Variants in WWOX observed in about 807,000 individuals in gnomAD.
The protein encoded by WWOX is WW domain containing oxidoreductase.
A neutral mutation model predicts 46.2 loss-of-function variants in WWOX; 69 were observed. The observed-to-expected ratio is 1.49, with a 90% CI of 1.23 to 1.82. The LOEUF is 1.82. WWOX is among the 40% of genes most tolerant of loss of function. The probability of loss-of-function intolerance (pLI) is 0.00; values close to 1 mark genes in which losing one functional copy is unlikely to be tolerated. For missense variants in WWOX, 919 were observed against 542.6 expected (o/e 1.69, Z -6.89); for synonymous variants, 359 against 202.6 (o/e 1.77, Z -6.56).
At chr16:78,301,641 C>G (rs971134223) in intron 5 of WWOX, among the ~76,000 whole-genome samples, 15 of 152,106 alleles carry the variant, frequency 9.9e-5, no homozygotes, top group Non-Finnish European at 4.4e-5. Context: ...AAGGAAGATT[C>G]AAGTCTCAGG....
chr16:78,340,708 C>T (rs2080997159), intron 5 of WWOX, among the ~76,000 whole-genome samples: 1 of 118,954 alleles, frequency 8.4e-6, no homozygotes, highest in African/African-American at 2.9e-5. Context: ...GTTGGCAGAA[C>T]AAATATCCCA....
chr16:78,174,864 T>C (rs970178518), intron 5 of WWOX, among the ~76,000 whole-genome samples: 3 of 152,058 alleles, frequency 2.0e-5, no homozygotes, highest in Non-Finnish European at 4.4e-5. Context: ...GGCATGCGCC[T>C]TTAGTCCCAG....
rs542029188 is a variant in WWOX, at chr16:79,012,468, A to G, written c.1057-199140A>G. ...GGCTGGTCTCGAACTCCTGACCTCA[A>G]AAGTGATTTGCCCACCTTAGCCTCC... On this transcript the variant is annotated intron_variant, in intron 8 of 8. Coordinates refer to ENST00000566780, the MANE Select transcript of WWOX (RefSeq NM_016373.4). 7.9e-5 allele frequency among the ~76,000 whole-genome samples: 12 copies of G among 152,192 alleles called. No individual in the cohort carries two copies. In the East Asian group the frequency reaches 1.5e-3, roughly 20 times the overall value.
chr16:78,652,408 C>CAAAAAAA (rs747993811), intron 8 of WWOX, among the ~76,000 whole-genome samples: 105 of 107,240 alleles, frequency 9.8e-4, no homozygotes, highest in Non-Finnish European at 1.5e-3. Flanking sequence ...GACTCCGTCT[C>CAAAAAAA]AAAAAAAAAA....
At chr16:78,648,459 G>A (rs2046894705) in intron 8 of WWOX, among the ~76,000 whole-genome samples, 1 of 152,176 alleles carries the variant, frequency 6.6e-6, no homozygotes, top group African/African-American at 2.4e-5. Flanking sequence ...TCTTGCTAAT[G>A]AGACACCAAA....
chr16:78,813,013 A>G (rs759998006), intron 8 of WWOX, among the ~76,000 whole-genome samples: 11 of 152,154 alleles, frequency 7.2e-5, no homozygotes, highest in Non-Finnish European at 1.6e-4. Flanking sequence ...ATCTACCTTA[A>G]TAGGTAAACC....
intron 6 of WWOX, among the ~76,000 whole-genome samples, chr16:78,408,322 C>G (rs747895637): frequency 1.3e-5 from 2 of 152,124 alleles, no homozygotes; most frequent in African/African-American, 2.4e-5. Context: ...TGCATGCTCA[C>G]AAAGTAATTA....
chr16:78,174,570 C>T (rs1390970595), intron 5 of WWOX, among the ~76,000 whole-genome samples: 1 of 152,210 alleles, frequency 6.6e-6, no homozygotes, highest in Non-Finnish European at 1.5e-5. Flanking sequence ...CAAATATCCC[C>T]AAAATCTTAA....
chr16:78,452,946 C>T (rs887075201), intron 8 of WWOX, among the ~76,000 whole-genome samples: 1 of 148,626 alleles, frequency 6.7e-6, no homozygotes, highest in Non-Finnish European at 1.5e-5. Context: ...GATTATGGCT[C>T]ACTGCAGCCT....
intron 8 of WWOX, among the ~76,000 whole-genome samples, chr16:78,785,408 A>C (rs942517002): frequency 1.3e-5 from 2 of 152,224 alleles, no homozygotes; most frequent in Non-Finnish European, 2.9e-5. Flanking sequence ...CTCACTCTGC[A>C]ACACACATCG....
intron 8 of WWOX, chr16:79,202,547 T>G (rs2051377862): frequency 6.6e-6 from 1 of 152,256 alleles, no homozygotes; most frequent in African/African-American, 2.4e-5. Context: ...TGTGTGTCTT[T>G]CCTGGGAGAA....
At chr16:79,128,714 T>C (rs1273672748) in intron 8 of WWOX, among the ~76,000 whole-genome samples, 2 of 152,196 alleles carry the variant, frequency 1.3e-5, no homozygotes, top group African/African-American at 2.4e-5. Context: ...TTGGGGTGAA[T>C]TTGCCAAGGT....
intron 8 of WWOX, among the ~76,000 whole-genome samples, chr16:78,722,648 G>C (rs958679683): frequency 6.6e-6 from 1 of 150,686 alleles, no homozygotes; most frequent in African/African-American, 2.4e-5. Context: ...AACAAGAGTA[G>C]AAGAGGGATG....
chr16:78,725,215 C>T (rs549840246), intron 8 of WWOX, among the ~76,000 whole-genome samples: 23 of 152,116 alleles, frequency 1.5e-4, no homozygotes, highest in South Asian at 6.2e-4. Flanking sequence ...ATGTGCCTTT[C>T]GCTTTGCACT....
At position 78,616,083 on chromosome 16, in the gene WWOX, ATTC is replaced by A. The variant is rs1403080080; in HGVS notation, c.1056+183336_1056+183338del. Among the ~76,000 whole-genome samples, 4 of 152,100 alleles carry A rather than the reference ATTC, an allele frequency of 2.6e-5. 1 individual carries two copies. Among genetic ancestry groups the A allele is most frequent in the East Asian group, 3.9e-4 (2 of 5,178 alleles). Reference sequence around the variant, plus strand: ...CTTTAAGAAGAAGATAACATTAGCTATTCTTCTCACTTCCTACGTAGAATTCCC... The same window carrying A: ...CTTTAAGAAGAAGATAACATTAGCTATTCTCACTTCCTACGTAGAATTCCC... On this transcript the variant is annotated intron_variant, in intron 8 of 8. Transcript: ENST00000566780.
At chr16:79,013,452 T>C (rs2047352417) in intron 8 of WWOX, among the ~76,000 whole-genome samples, 1 of 152,128 alleles carries the variant, frequency 6.6e-6, no homozygotes, top group South Asian at 2.1e-4. Flanking sequence ...TCTTTGTTTC[T>C]CTTTTTCTGT....
At chr16:78,889,883 T>C (rs1258770253) in intron 8 of WWOX, among the ~76,000 whole-genome samples, 2 of 152,236 alleles carry the variant, frequency 1.3e-5, no homozygotes, top group Non-Finnish European at 1.5e-5. Flanking sequence ...TGATGAATTT[T>C]CTATTAATGT....
At chr16:78,747,786 G>C (rs964086618) in intron 8 of WWOX, among the ~76,000 whole-genome samples, 3 of 152,180 alleles carry the variant, frequency 2.0e-5, no homozygotes, top group Non-Finnish European at 1.5e-5. Context: ...GCAGAGCATG[G>C]ATTGCTCAAC....
At chr16:78,302,085 C>G (rs2080051792) in intron 5 of WWOX, among the ~76,000 whole-genome samples, 1 of 151,888 alleles carries the variant, frequency 6.6e-6, no homozygotes, top group South Asian at 2.1e-4. Flanking sequence ...CTCAGCCTCT[C>G]TAGCAGCTGG....
Sources: gnomAD v4.1 joint callset for allele counts (sites outside exome capture counted in the v4.1 genomes callset) on GRCh38, gnomAD v4.1.1 for gene constraint, MANE v1.5 for transcripts, NCBI Gene and HGNC (gene_info 2026-07-23, HGNC 2026-07-21) for gene names.